SGCD: variants seen among roughly 807,000 people sequenced by gnomAD.
SGCD encodes delta-sarcoglycan.
SGCD carries 18 observed loss-of-function variants against 36.6 expected under a neutral mutation model. The observed-to-expected ratio is 0.49, with a 90% CI of 0.34 to 0.73. SGCD has a LOEUF of 0.73. SGCD is among the 30% of genes least tolerant of loss of function. The probability of loss-of-function intolerance (pLI) is 0.01; values close to 1 mark genes in which losing one functional copy is unlikely to be tolerated. For missense variants in SGCD, 387 were observed against 346.7 expected (o/e 1.12, Z -0.92); for synonymous variants, 133 against 130.6 (o/e 1.02, Z -0.12).
At position 156,760,021 on chromosome 5, in the gene SGCD, A is replaced by AGTT. The variant is rs1244150855; in HGVS notation, c.*633_*635dup. The AGTT allele has an allele frequency of 1.3e-5, 2 of 152,152 alleles. No homozygotes were observed. The highest frequency in any genetic ancestry group is 2.9e-5 in the Non-Finnish European group (2 of 68,038). 9.4% of individuals were successfully genotyped at this position (152,152 alleles called of 1,614,324 possible). On this transcript the variant is annotated 3_prime_UTR_variant, in exon 9 of 9. Transcript: ENST00000337851. Reference sequence around the variant, plus strand: ...CTACCAGACATATTGGGGTTTTTGTAGTTGAATGAATGAGGAGGATGAATT... The same window carrying AGTT: ...CTACCAGACATATTGGGGTTTTTGTAGTTGTTGAATGAATGAGGAGGATGAATT...
At chr5:156,462,538 C>A (rs1483173649) in intron 3 of SGCD, among the ~76,000 whole-genome samples, 2 of 152,128 alleles carry the variant, frequency 1.3e-5, no homozygotes, top group African/African-American at 4.8e-5. Flanking sequence ...TTAATTCTAA[C>A]AAAGTATCCA....
chr5:156,129,538 G>A (rs1247953729), intron 3 of SGCD, among the ~76,000 whole-genome samples: 1 of 152,220 alleles, frequency 6.6e-6, no homozygotes, highest in Non-Finnish European at 1.5e-5. Flanking sequence ...TTGTTATGTA[G>A]GTAAACTAGC....
At chr5:156,505,762 G>A (rs758016191) in intron 3 of SGCD, among the ~76,000 whole-genome samples, 1 of 137,138 alleles carries the variant, frequency 7.3e-6, no homozygotes, top group Non-Finnish European at 1.6e-5. Context: ...TGTTCATAGT[G>A]TGTGTGTATA....
At chr5:156,475,426 T>C (rs991551317) in intron 3 of SGCD, among the ~76,000 whole-genome samples, 3 of 152,186 alleles carry the variant, frequency 2.0e-5, no homozygotes, top group Non-Finnish European at 4.4e-5. Flanking sequence ...CTGAGATTCA[T>C]GCAGAAGAGA....
chr5:155,887,514 C>T (rs1423265411), intron 1 of SGCD, among the ~76,000 whole-genome samples: 5 of 151,048 alleles, frequency 3.3e-5, no homozygotes, highest in Admixed American at 2.6e-4. Flanking sequence ...GTGACGCAGG[C>T]TCTGGAAGTG....
At chr5:155,949,017 A>C (rs1757499888) in intron 1 of SGCD, among the ~76,000 whole-genome samples, 1 of 152,214 alleles carries the variant, frequency 6.6e-6, no homozygotes, top group Non-Finnish European at 1.5e-5. Flanking sequence ...ATTTCTAAAG[A>C]AATGCATACC....
intron 3 of SGCD, among the ~76,000 whole-genome samples, chr5:156,289,650 A>G (rs1027351706): frequency 6.6e-6 from 1 of 151,770 alleles, no homozygotes; most frequent in African/African-American, 2.4e-5. Context: ...ATCCTGCTGT[A>G]CCACACTTGA....
intron 3 of SGCD, among the ~76,000 whole-genome samples, chr5:156,274,161 G>A (rs1766255104): frequency 6.6e-6 from 1 of 152,132 alleles, no homozygotes. Context: ...CAAGGTGAGA[G>A]AGTGACAATA....
intron 4 of SGCD, among the ~76,000 whole-genome samples, chr5:156,539,425 C>G (rs1216977776): frequency 1.3e-5 from 2 of 151,596 alleles, no homozygotes; most frequent in African/African-American, 4.8e-5. Flanking sequence ...ATCCTTTCCC[C>G]CAAGTCCCAA....
intron 3 of SGCD, among the ~76,000 whole-genome samples, chr5:156,355,365 AAC>A (rs1426665646): frequency 1.3e-5 from 2 of 152,244 alleles, no homozygotes; most frequent in African/African-American, 4.8e-5. Flanking sequence ...TAATCTGATT[AAC>A]AGCCAAGATA....
chr5:155,745,187 C>CT, the SGCD span, among the ~76,000 whole-genome samples: 19 of 152,122 alleles, frequency 1.2e-4, no homozygotes, highest in African/African-American at 4.6e-4. Context: ...ACTAAGGAAA[C>CT]TTGTAGAGAC....
intron 3 of SGCD, among the ~76,000 whole-genome samples, chr5:156,377,917 T>A (rs1770757351): frequency 6.6e-6 from 1 of 152,182 alleles, no homozygotes; most frequent in Non-Finnish European, 1.5e-5. Flanking sequence ...TTTAACATAG[T>A]GGTTTGAAAC....
chr5:156,477,049 G>GAAAAA (rs5872462), intron 3 of SGCD, among the ~76,000 whole-genome samples: 1 of 123,028 alleles, frequency 8.1e-6, no homozygotes. Context: ...AAGAGAAAAA[G>GAAAAA]AAAAAAAAAA....
At chr5:156,188,165 A>C (rs1315889445) in intron 3 of SGCD, among the ~76,000 whole-genome samples, 2 of 152,238 alleles carry the variant, frequency 1.3e-5, no homozygotes, top group Non-Finnish European at 2.9e-5. Context: ...GAAGAAACTC[A>C]TTCATTCTTT....
intron 6 of SGCD, among the ~76,000 whole-genome samples, chr5:156,643,955 C>T (rs32057): frequency 0.77 from 117,239 of 152,020 alleles, 46,330 homozygotes; most frequent in South Asian, 0.89. Context: ...TTAAACCCAA[C>T]GATGATTTTT....
chr5:156,459,362 C>G (rs1339016868), intron 3 of SGCD, among the ~76,000 whole-genome samples: 1 of 152,158 alleles, frequency 6.6e-6, no homozygotes, highest in East Asian at 1.9e-4. Flanking sequence ...ATCCTTAAAA[C>G]AGGACTTTTC....
At chr5:156,641,571 G>C (rs1763029554) in intron 6 of SGCD, among the ~76,000 whole-genome samples, 1 of 152,172 alleles carries the variant, frequency 6.6e-6, no homozygotes, top group Non-Finnish European at 1.5e-5. Flanking sequence ...GTTGGATTCA[G>C]AGCAGCTTCC....
chr5:156,630,543 A>T (rs1561826436), intron 6 of SGCD, among the ~76,000 whole-genome samples: 1 of 152,256 alleles, frequency 6.6e-6, no homozygotes, highest in African/African-American at 2.4e-5. Context: ...TGAGGTAGAT[A>T]CTGTCATAGA....
chr5:155,996,803 T>C (rs1269141851), intron 1 of SGCD, among the ~76,000 whole-genome samples: 1 of 143,264 alleles, frequency 7.0e-6, no homozygotes, highest in Non-Finnish European at 1.5e-5. Context: ...AAGATAAAAA[T>C]AAAAATAATT....
Sources: allele counts gnomAD v4.1 joint callset (sites outside exome capture counted in the v4.1 genomes callset), GRCh38; gene constraint gnomAD v4.1.1; transcripts MANE v1.5; gene names NCBI Gene and HGNC (gene_info 2026-07-23, HGNC 2026-07-21).